Variants in NRXN1 observed in about 807,000 individuals in gnomAD.
NRXN1 encodes neurexin-1.
A neutral mutation model predicts 150.9 loss-of-function variants in NRXN1; 39 were observed. The ratio of observed to expected loss-of-function variants is 0.26; its 90% CI spans 0.20 to 0.34. The LOEUF is 0.34. Among genes scored for constraint, NRXN1 ranks in the 10% least tolerant of loss-of-function variants. The probability of loss-of-function intolerance (pLI) is 1.00; values close to 1 mark genes in which losing one functional copy is unlikely to be tolerated. For synonymous variants in NRXN1, 924 were observed against 757.0 expected (o/e 1.22, Z -3.62); for missense variants, 1,815 against 1,949.9 (o/e 0.93, Z 1.30).
At chr2:50,638,822 T>C (rs985010046) in intron 5 of NRXN1, among the ~76,000 whole-genome samples, 1 of 152,188 alleles carries the variant, frequency 6.6e-6, no homozygotes, top group African/African-American at 2.4e-5. Flanking sequence ...CCATATGATA[T>C]GCCTTCCCTA....
intron 5 of NRXN1, among the ~76,000 whole-genome samples, chr2:50,833,061 G>GA (rs1403233474): frequency 6.6e-5 from 10 of 151,908 alleles, no homozygotes; most frequent in African/African-American, 1.9e-4. Flanking sequence ...ATAAACACAG[G>GA]AAAAAAAGTT....
At chr2:50,506,358 T>G in intron 13 of NRXN1, 137 bp downstream of exon 13, 1 of 683,346 alleles carries the variant, frequency 1.5e-6, no homozygotes, top group East Asian at 3.0e-5. Flanking sequence ...AAATAGTTAC[T>G]AGAAAAAAAT....
intron 8 of NRXN1, among the ~76,000 whole-genome samples, chr2:50,573,939 C>T (rs1415573099): frequency 6.6e-6 from 1 of 151,994 alleles, no homozygotes; most frequent in African/African-American, 2.4e-5. Context: ...TGAGTAACTA[C>T]AAATTTTGCC....
chr2:50,965,999 C>A (rs1312921689), intron 2 of NRXN1, among the ~76,000 whole-genome samples: 1 of 151,362 alleles, frequency 6.6e-6, no homozygotes, highest in Non-Finnish European at 1.5e-5. Flanking sequence ...TCTTCCAATT[C>A]CTTAAAGTTG....
At chr2:50,198,656 C>A (rs1240553178) in intron 18 of NRXN1, among the ~76,000 whole-genome samples, 4 of 152,066 alleles carry the variant, frequency 2.6e-5, no homozygotes, top group Non-Finnish European at 5.9e-5. Context: ...CAACCGAAGA[C>A]ACCAAAGAAG....
intron 18 of NRXN1, among the ~76,000 whole-genome samples, chr2:50,170,012 C>T (rs2059930135): frequency 6.6e-6 from 1 of 151,660 alleles, no homozygotes; most frequent in Non-Finnish European, 1.5e-5. Context: ...CTGATCATGA[C>T]CCACAGAAAA....
At chr2:50,835,977 T>C (rs1232904235) in intron 5 of NRXN1, among the ~76,000 whole-genome samples, 1 of 152,228 alleles carries the variant, frequency 6.6e-6, no homozygotes, top group African/African-American at 2.4e-5. Flanking sequence ...ACCTTTTAAT[T>C]AGAATTTTCA....
chr2:50,018,160 T>A (rs1256593587), intron 21 of NRXN1, among the ~76,000 whole-genome samples: 1 of 152,178 alleles, frequency 6.6e-6, no homozygotes. Context: ...TCTGGAACTA[T>A]AAAATAACAT....
rs1215039174 is a variant in NRXN1 at position 50,466,700 on chromosome 2, T to C, written c.3245-1139A>G. On this transcript the variant is annotated intron_variant, in intron 16 of 22. Transcript: ENST00000401669. The stretch of plus-strand genomic sequence containing the variant: ...AAGCAGAAATTTATTAGAATTTAAT[T>C]GTACATATGTATATATATAATGGTT... Among the ~76,000 whole-genome samples, 3 of 151,706 alleles carry C rather than the reference T, an allele frequency of 2.0e-5. No individual in the cohort carries two copies. In the East Asian group the frequency reaches 5.8e-4, roughly 29 times the overall value.
intron 2 of NRXN1, among the ~76,000 whole-genome samples, chr2:50,999,136 C>G (rs1699711092): frequency 1.3e-5 from 2 of 152,038 alleles, no homozygotes; most frequent in Non-Finnish European, 2.9e-5. Context: ...TATTTATCCT[C>G]TATGCAATTT....
intron 17 of NRXN1, among the ~76,000 whole-genome samples, chr2:50,314,581 T>C (rs188233504): frequency 6.6e-6 from 1 of 151,294 alleles, no homozygotes; most frequent in East Asian, 1.9e-4. Context: ...GTTTATTTTT[T>C]AAATGCCATT....
intron 17 of NRXN1, among the ~76,000 whole-genome samples, chr2:50,351,744 C>T (rs2078427634): frequency 6.6e-6 from 1 of 152,072 alleles, no homozygotes; most frequent in Non-Finnish European, 1.5e-5. Flanking sequence ...GAGGTAGGTA[C>T]TATTGTTGAT....
intron 2 of NRXN1, among the ~76,000 whole-genome samples, chr2:50,948,796 T>C (rs1460302226): frequency 1.3e-5 from 2 of 152,054 alleles, no homozygotes; most frequent in African/African-American, 2.4e-5. Context: ...TAGAGCTTAT[T>C]TGGAAGTCTA....
At chr2:50,081,084 T>C (rs999879381) in intron 19 of NRXN1, among the ~76,000 whole-genome samples, 3 of 152,222 alleles carry the variant, frequency 2.0e-5, no homozygotes, top group African/African-American at 7.2e-5. Context: ...TCTACTTTAT[T>C]GGATTCCTAT....
At chr2:50,339,788 C>G (rs753541807) in intron 17 of NRXN1, among the ~76,000 whole-genome samples, 4 of 152,160 alleles carry the variant, frequency 2.6e-5, no homozygotes, top group Non-Finnish European at 4.4e-5. Context: ...CTAAGTACCA[C>G]AAGGTAATAT....
At chr2:50,921,343 T>C (rs576315862) in intron 5 of NRXN1, among the ~76,000 whole-genome samples, 47 of 151,948 alleles carry the variant, frequency 3.1e-4, no homozygotes, top group African/African-American at 1.1e-3. Context: ...AAAAGAAATG[T>C]CTTGCTCCTC....
intron 5 of NRXN1, among the ~76,000 whole-genome samples, chr2:50,845,816 C>T (rs1222517646): frequency 6.6e-6 from 1 of 152,078 alleles, no homozygotes; most frequent in Non-Finnish European, 1.5e-5. Flanking sequence ...CGCTGACACA[C>T]TGAAGGAAAA....
At chr2:50,214,791 C>T (rs2063282503) in intron 18 of NRXN1, among the ~76,000 whole-genome samples, 1 of 151,930 alleles carries the variant, frequency 6.6e-6, no homozygotes, top group Non-Finnish European at 1.5e-5. Flanking sequence ...AACCACATAG[C>T]TCTGTATTGC....
chr2:50,248,648 CATA>C (rs1017453958), intron 17 of NRXN1, among the ~76,000 whole-genome samples: 3 of 152,178 alleles, frequency 2.0e-5, no homozygotes, highest in African/African-American at 7.2e-5. Flanking sequence ...ATTCTTTTAT[CATA>C]ATGTCATTGT....
Sources: gnomAD v4.1 joint callset for allele counts (sites outside exome capture counted in the v4.1 genomes callset) on GRCh38, gnomAD v4.1.1 for gene constraint, MANE v1.5 for transcripts, NCBI Gene and HGNC (gene_info 2026-07-23, HGNC 2026-07-21) for gene names.